Variants in SNX25 observed in about 807,000 individuals in gnomAD.
SNX25 encodes the protein sorting nexin-25.
A neutral mutation model predicts 113.7 loss-of-function variants in SNX25; 62 were observed. That is an observed-to-expected ratio of 0.55 (90% CI 0.44 to 0.67). The LOEUF (loss-of-function observed/expected upper bound fraction) is 0.67. Among genes scored for constraint, SNX25 ranks in the 30% least tolerant of loss-of-function variants. The pLI, the probability that SNX25 is intolerant of heterozygous loss-of-function variation, is 0.00. For synonymous variants in SNX25, 421 were observed against 436.2 expected (o/e 0.97, Z 0.43); for missense variants, 1,014 against 1,161.0 (o/e 0.87, Z 1.84).
At position 185,314,324 on chromosome 4, in the gene SNX25, CA is replaced by C. The variant is rs35324892; in HGVS notation, c.1344+3528del. ...GGAACATACAAGACTCCCCTCTCTA[CA>C]AAAAAAAAAAAAAAAAAAATTAAAA... is the stretch of plus-strand genomic sequence containing the variant. On this transcript the variant is annotated intron_variant, in intron 7 of 18. Coordinates refer to ENST00000652585, the MANE Select transcript of SNX25 (RefSeq NM_001378034.2). Among the ~76,000 whole-genome samples the C allele has an allele frequency of 4.8e-3, 359 of 75,358 alleles. 7 individuals carry two copies. The East Asian group carries it at 0.096, about 20-fold the overall frequency. The allele number at this position is 75,358 out of a possible 152,430, so 49.4% of individuals were successfully genotyped here.
rs1386175141 is a variant in SNX25 at position 185,363,387 on chromosome 4, G to A, written c.2937G>A (p.Ala979=). The A allele has an allele frequency of 4.3e-6, 7 of 1,613,912 alleles. No homozygotes were observed. The highest frequency in any genetic ancestry group is 2.2e-5 in the South Asian group (2 of 91,072). ...ETRANKHLLY[A]LMELLLIELC... ...TTTTTCCTTCTTTGTTGGTTCAGGC[G>A]CTGATGGAACTGCTGCTAATTGAAC... The change falls in exon 19 of 19, where the codon GCG becomes GCA. Residue 979 remains alanine, a splice_region_variant and synonymous_variant. Coordinates refer to ENST00000652585, the MANE Select transcript of SNX25 (RefSeq NM_001378034.2). The surrounding 1 kb of genome is among the most constrained non-coding windows in gnomAD (Gnocchi z 4.2).
chr4:185,347,681 G>C (rs1482888970), intron 13 of SNX25, among the ~76,000 whole-genome samples: 1 of 152,086 alleles, frequency 6.6e-6, no homozygotes, highest in Non-Finnish European at 1.5e-5. Flanking sequence ...GTGTTGGTCA[G>C]GTTGGTCTCA....
intron 5 of SNX25, among the ~76,000 whole-genome samples, chr4:185,269,920 C>A (rs1380096322): frequency 6.6e-6 from 1 of 152,084 alleles, no homozygotes. Context: ...TTCTCTAGCA[C>A]CATCTGTTAT....
intron 5 of SNX25, among the ~76,000 whole-genome samples, chr4:185,272,150 C>T (rs1293211859): frequency 6.6e-6 from 1 of 152,182 alleles, no homozygotes; most frequent in Non-Finnish European, 1.5e-5. Context: ...CTGCTAATAG[C>T]ACAAGAGCCA....
rs1281966930 is a variant in SNX25 at position 185,210,233 on chromosome 4, C to T, written c.407C>T (p.Ser136Leu). Residue 136 changes from serine to leucine, a missense_variant, in exon 1 of 19, where the codon TCA (serine) becomes TTA (leucine). Transcript: ENST00000652585. The surrounding 1 kb of genome is among the most constrained non-coding windows in gnomAD (Gnocchi z 4.4). ...AAAWSRLAAT[S>L]AARRPPGSPV... ...GCCTGGAGCCGGCTGGCCGCGACCT[C>T]AGCCGCCCGCCGCCCGCCGGGGGTA... 2 of 984,888 alleles carry T rather than the reference C, an allele frequency of 2.0e-6. No homozygotes were observed. The highest frequency in any genetic ancestry group is 2.4e-6 in the Non-Finnish European group (2 of 830,078). 61.0% of individuals were successfully genotyped at this position (984,888 alleles called of 1,614,324 possible). A position where few individuals can be genotyped will look rare whatever the true frequency, so the allele number is the denominator to read the frequency against.
At chr4:185,261,376 C>T (rs550070138) in intron 3 of SNX25, among the ~76,000 whole-genome samples, 1 of 152,100 alleles carries the variant, frequency 6.6e-6, no homozygotes, top group East Asian at 1.9e-4. Flanking sequence ...GGGGTTTCAC[C>T]ATGTTGGCCA....
intron 9 of SNX25, 52 bp from the exon 10 acceptor site, chr4:185,332,543 T>G: frequency 6.7e-7 from 1 of 1,495,666 alleles, no homozygotes; most frequent in South Asian, 1.4e-5. Context: ...CGATAATAAT[T>G]ACTGAATTTT....
intron 9 of SNX25, among the ~76,000 whole-genome samples, chr4:185,325,462 G>T (rs1017473679): frequency 4.6e-5 from 7 of 150,876 alleles, no homozygotes; most frequent in African/African-American, 1.7e-4. Flanking sequence ...GAACCCGCGA[G>T]GCAGAGGTTG....
chr4:185,240,435 G>C (rs75088865), intron 1 of SNX25, among the ~76,000 whole-genome samples: 16 of 150,766 alleles, frequency 1.1e-4, no homozygotes, highest in Non-Finnish European at 1.9e-4. Flanking sequence ...GCGGCTGGCC[G>C]GGCAGAGGGG....
At chr4:185,345,283 C>G (rs959475429) in intron 12 of SNX25, among the ~76,000 whole-genome samples, 1 of 152,034 alleles carries the variant, frequency 6.6e-6, no homozygotes, top group Non-Finnish European at 1.5e-5. Flanking sequence ...CAGGAAGTAC[C>G]TTTTTGGGTA....
At chr4:185,290,965 A>G (rs1453016324) in intron 6 of SNX25, among the ~76,000 whole-genome samples, 1 of 152,230 alleles carries the variant, frequency 6.6e-6, no homozygotes, top group Non-Finnish European at 1.5e-5. Flanking sequence ...GTTTACAGAA[A>G]GAACAATGGT....
At chr4:185,206,329 G>C (rs116813891), upstream of SNX25, among the ~76,000 whole-genome samples, 1 of 152,144 alleles carries the variant, frequency 6.6e-6, no homozygotes, top group Admixed American at 6.5e-5. Flanking sequence ...TGACTTGTGC[G>C]CCTCTGGTCC....
chr4:185,320,852 G>GAATGCT lies in SNX25; in HGVS notation c.1467_1472dup (p.Ala490_Asn491dup). On this transcript the variant is annotated inframe_insertion, in exon 8 of 19. Transcript: ENST00000652585. ...TTTGGGAATCTGTGGAACATTTAAAGAATGCTAACAAGGTAGTATATGTAG... is the reference window on the plus strand; with the variant it reads ...TTTGGGAATCTGTGGAACATTTAAAGAATGCTAATGCTAACAAGGTAGTATATGTAG... The GAATGCT allele has an allele frequency of 6.2e-7, 1 of 1,602,392 alleles. No homozygotes were observed. The highest frequency in any genetic ancestry group is 8.5e-7 in the Non-Finnish European group (1 of 1,175,606).
Position 185,264,608 on chromosome 4 carries a change from A to G in SNX25, c.902A>G (p.Lys301Arg). 6.2e-7 allele frequency: 1 copy of G among 1,613,852 alleles called. No homozygotes were observed. Among genetic ancestry groups the G allele is most frequent in the East Asian group, 2.2e-5 (1 of 44,870 alleles). The stretch of plus-strand genomic sequence containing the variant: ...ATGCTTGCAGAAATTCTCACAACAA[A>G]AGGTAGACTTATACAGTTGATTTCA... Reference protein sequence around the residue: ...RIMLAEILTTKVLKPVVELLS... With the variant: ...RIMLAEILTTRVLKPVVELLS... Residue 301 changes from lysine to arginine, a missense_variant and splice_region_variant, in exon 4 of 19, where the codon AAA becomes AGA. By Grantham distance (26) the Lys-to-Arg change is conservative. Coordinates refer to ENST00000652585, the MANE Select transcript of SNX25 (RefSeq NM_001378034.2).
chr4:185,244,261 G>A (rs1744512224), intron 1 of SNX25, among the ~76,000 whole-genome samples: 1 of 152,204 alleles, frequency 6.6e-6, no homozygotes, highest in Admixed American at 6.5e-5. Context: ...CCGAAGTGCT[G>A]GGATTATAGG....
chr4:185,235,521 G>A, intron 1 of SNX25, among the ~76,000 whole-genome samples: 1 of 152,168 alleles, frequency 6.6e-6, no homozygotes, highest in South Asian at 2.1e-4. Context: ...GTGCTTCAAG[G>A]CCAGAAAAGC....
intron 12 of SNX25, among the ~76,000 whole-genome samples, chr4:185,344,675 G>A (rs1241704267): frequency 1.3e-5 from 2 of 152,174 alleles, no homozygotes; most frequent in African/African-American, 4.8e-5. Flanking sequence ...TGAAAACACG[G>A]TTTGAAGCCA....
At chr4:185,291,483 A>G (rs1338657717) in intron 6 of SNX25, among the ~76,000 whole-genome samples, 4 of 152,206 alleles carry the variant, frequency 2.6e-5, no homozygotes, top group South Asian at 2.1e-4. Context: ...TTCTGTCTCA[A>G]TTCCTAGAGC....
chr4:185,216,467 CA>C (rs1738839665), intron 1 of SNX25, among the ~76,000 whole-genome samples: 2 of 141,694 alleles, frequency 1.4e-5, no homozygotes, highest in African/African-American at 5.2e-5. Flanking sequence ...GGACAAAAAA[CA>C]ATGCTAATCA....
Sources: gnomAD v4.1 joint callset for allele counts (sites outside exome capture counted in the v4.1 genomes callset) on GRCh38, gnomAD v4.1.1 for gene constraint, Gnocchi (gnomAD v3.1) non-coding constraint, MANE v1.5 for transcripts, NCBI Gene and HGNC (gene_info 2026-07-23, HGNC 2026-07-21) for gene names.